TNS2: variants seen among roughly 807,000 people sequenced by gnomAD.
TNS2 encodes the protein tensin-2.
TNS2 carries 77 observed loss-of-function variants against 155.7 expected under a neutral mutation model. The observed-to-expected ratio is 0.49, with a 90% CI of 0.41 to 0.60. The LOEUF is 0.60. Ranked by LOEUF, TNS2 falls within the 20% of genes least tolerant of loss-of-function variation. The probability of loss-of-function intolerance (pLI) is 0.00; values close to 1 mark genes in which losing one functional copy is unlikely to be tolerated. For missense variants in TNS2, 1,703 were observed against 1,868.8 expected, an observed-to-expected ratio of 0.91 and a Z score of 1.64; for synonymous variants, 726 against 763.9, an observed-to-expected ratio of 0.95 and a Z score of 0.82.
chr12:53,057,741 C>A (rs750191075), intron 12 of TNS2, 32 bp from the exon 13 acceptor site: 5 of 1,613,974 alleles, frequency 3.1e-6, no homozygotes, highest in Admixed American at 3.3e-5. Flanking sequence ...CCACTCAGCA[C>A]CCCTCCTGTG....
chr12:53,063,364 C>T lies in TNS2; in HGVS notation c.4008C>T (p.Arg1336=). ...TDNQRKLFFR[R]HYPVNSITFS... is the part of the protein sequence containing the mutation. ...CTCCTTGCAGGCTCTTCTTTCGCCG[C>T]CATTATCCAGTGAACAGCATCACCT... Residue 1336 remains arginine (R), a synonymous_variant, in exon 27 of 29, where the codon CGC becomes CGT. Coordinates refer to ENST00000314250, the MANE Select transcript of TNS2 (RefSeq NM_170754.4). This position sits in a 1 kb window ranked among gnomAD's most constrained non-coding sequence, Gnocchi z 5.6. 6.2e-7 allele frequency: 1 copy of T among 1,614,070 alleles called. No homozygotes were observed. Among genetic ancestry groups the T allele is most frequent in the Non-Finnish European group, 8.5e-7 (1 of 1,179,982 alleles).
rs557568511 is a variant in TNS2, at chr12:53,064,222, C to A, written c.*340C>A. The A allele has an allele frequency of 7.1e-4, 196 of 275,956 alleles. No individual in the cohort carries two copies. Among genetic ancestry groups the A allele is most frequent in the African/African-American group, 3.9e-3 (180 of 46,046 alleles). The allele number at this position is 275,956 out of a possible 1,614,324, so 17.1% of individuals were successfully genotyped here. A position where few individuals can be genotyped will look rare whatever the true frequency, so the allele number is the denominator to read the frequency against. ...GGGGATCAGCCCCTGCCAGTTCCAC[C>A]CAGCTGCAGGTGCCAGCACGGCAGG... is the stretch of plus-strand genomic sequence containing the variant. On this transcript the variant is annotated 3_prime_UTR_variant, in exon 29 of 29. Coordinates refer to ENST00000314250, the MANE Select transcript of TNS2 (RefSeq NM_170754.4).
intron 22 of TNS2, 69 bp from the exon 23 acceptor site, chr12:53,062,084 G>T: frequency 6.2e-7 from 1 of 1,611,554 alleles, no homozygotes; most frequent in South Asian, 1.1e-5. Flanking sequence ...GCTCGGGAAA[G>T]AATCCCATTA....
chr12:53,049,329 G>A (rs1943840192), upstream of TNS2: 2 of 1,185,722 alleles, frequency 1.7e-6, no homozygotes, highest in African/African-American at 1.5e-5. Context: ...GCTGGAAAGA[G>A]GGCTAGGGAT....
At position 53,054,278 on chromosome 12, in the gene TNS2, G is replaced by A. The variant is rs761516825; in HGVS notation, c.359G>A (p.Ser120Asn). 1 of 1,612,998 alleles carries A rather than the reference G, an allele frequency of 6.2e-7. No individual in the cohort carries two copies. The highest frequency in any genetic ancestry group is 1.3e-5 in the African/African-American group (1 of 74,910). ...KQRSTLPRSF[S>N]LDPLMERRWD... Reference sequence around the variant, plus strand: ...AGGCTCCTCCTCCCCAGGAGCTTCAGCCTGGACCCGCTCATGGAGCGGCGC... The same window carrying A: ...AGGCTCCTCCTCCCCAGGAGCTTCAACCTGGACCCGCTCATGGAGCGGCGC... Residue 120 changes from serine (S) to asparagine (N), a missense_variant, in exon 7 of 29, where the codon AGC (serine) becomes AAC (asparagine). Coordinates refer to ENST00000314250, the MANE Select transcript of TNS2 (RefSeq NM_170754.4).
upstream of TNS2, chr12:53,049,953 T>A (rs921397282): frequency 6.3e-6 from 7 of 1,102,918 alleles, no homozygotes; most frequent in African/African-American, 4.8e-5. Flanking sequence ...GGGAATCTGA[T>A]CTCCTGGCCT....
chr12:53,057,972 G>C, intron 13 of TNS2, 55 bp from the exon 14 acceptor site: 1 of 1,610,382 alleles, frequency 6.2e-7, no homozygotes. Flanking sequence ...CTGCATAGCT[G>C]CCTCTGCACG....
At position 53,060,799 on chromosome 12, in the gene TNS2, G is replaced by T. The variant is rs1199739622; in HGVS notation, c.2893G>T (p.Gly965Trp). ...GKAPELPSGSGPEPLAPSPVS... is the reference protein window; with the variant it reads ...GKAPELPSGSWPEPLAPSPVS... ...GGCCCCTGAGCTGCCGTCGGGAAGT[G>T]GGCCTGAGCCTCTGGCCCCTAGCCC... Residue 965 changes from glycine to tryptophan, a missense_variant, in exon 20 of 29, where the codon GGG (glycine) becomes TGG (tryptophan). Transcript: ENST00000314250. This position sits in a 1 kb window ranked among gnomAD's most constrained non-coding sequence, Gnocchi z 6.1. 1 of 1,612,016 alleles carries T rather than the reference G, an allele frequency of 6.2e-7. No homozygotes were observed. Among genetic ancestry groups the T allele is most frequent in the African/African-American group, 1.3e-5 (1 of 75,006 alleles).
intron 7 of TNS2, 101 bp from the exon 8 acceptor site, chr12:53,055,085 G>T (rs922108133): frequency 2.2e-6 from 3 of 1,391,450 alleles, no homozygotes; most frequent in Non-Finnish European, 1.0e-6. Context: ...CGACCGGCCT[G>T]CACCTTATTT....
Position 53,062,196 on chromosome 12 carries a change from T to A in TNS2, c.3618T>A (p.Thr1206=). The A allele has an allele frequency of 1.2e-6, 2 of 1,614,090 alleles. No individual in the cohort carries two copies. Among genetic ancestry groups the A allele is most frequent in the Non-Finnish European group, 1.7e-6 (2 of 1,180,002 alleles). ...TGGTCCGCCATTTCCTCATCGAGAC[T>A]GGGCCCAAAGGGGTGAAGATCAAGG... is the stretch of plus-strand genomic sequence containing the variant. ...EQLVRHFLIE[T]GPKGVKIKGC... is the part of the protein sequence containing the mutation. Residue 1206 remains threonine, a synonymous_variant, in exon 23 of 29, where the codon ACT becomes ACA. Coordinates refer to ENST00000314250, the MANE Select transcript of TNS2 (RefSeq NM_170754.4).
rs148388943 is a variant in TNS2, at chr12:53,061,771, C to G, written c.3449-44C>G. The G allele has an allele frequency of 3.7e-3, 5,941 of 1,586,640 alleles. 18 individuals carry two copies. Among genetic ancestry groups the G allele is most frequent in the Middle Eastern group, 9.3e-3 (55 of 5,904 alleles). On this transcript the variant is annotated intron_variant, in intron 21 of 28. Coordinates refer to ENST00000314250, the MANE Select transcript of TNS2 (RefSeq NM_170754.4). ...GGGCTGCATGGGGCTCAGTCCACCC[C>G]TGTGAAAACTCCTCCCCACTGCCCG...
chr12:53,048,769 C>T (rs1449991683), upstream of TNS2, among the ~76,000 whole-genome samples: 4 of 152,198 alleles, frequency 2.6e-5, no homozygotes, highest in South Asian at 4.1e-4. Flanking sequence ...CTCAAGTGGG[C>T]ACCCACAGCA....
At chr12:53,054,191 C>T in intron 6 of TNS2, 79 bp from the exon 7 acceptor site, 1 of 1,599,106 alleles carries the variant, frequency 6.3e-7, no homozygotes, top group Non-Finnish European at 8.5e-7. Context: ...ACCTGCTGCC[C>T]AACAGACAGC....
At chr12:53,054,473 TGA>T in intron 7 of TNS2, 32 bp downstream of exon 7, 1 of 1,567,194 alleles carries the variant, frequency 6.4e-7, no homozygotes, top group Non-Finnish European at 8.6e-7. Context: ...AGTCCGCCAA[TGA>T]GAGGGATGTA....
Position 53,057,584 on chromosome 12 carries a change from G to C in TNS2, c.863G>C (p.Ser288Thr). 6.2e-7 allele frequency: 1 copy of C among 1,612,788 alleles called. No individual in the cohort carries two copies. The highest frequency in any genetic ancestry group is 1.1e-5 in the South Asian group (1 of 90,944). ...PSQRRYISYF[S>T]GLLSGSIRMN... ...TCCACCAGATATATCAGCTACTTCAGTGGGCTGCTATCTGGCTCCATCAGA... is the reference window on the plus strand; with the variant it reads ...TCCACCAGATATATCAGCTACTTCACTGGGCTGCTATCTGGCTCCATCAGA... The change falls in exon 12 of 29, where the codon AGT (serine) becomes ACT (threonine). Residue 288 changes from serine to threonine, a missense_variant. By Grantham distance (58) the Ser-to-Thr change is moderately conservative. Coordinates refer to ENST00000314250, the MANE Select transcript of TNS2 (RefSeq NM_170754.4).
Position 53,063,056 on chromosome 12 carries a change from A to G in TNS2, c.3824-33A>G, listed in dbSNP as rs936767515. On this transcript the variant is annotated intron_variant, in intron 25 of 28. Coordinates refer to ENST00000314250, the MANE Select transcript of TNS2 (RefSeq NM_170754.4). The surrounding 1 kb of genome is among the most constrained non-coding windows in gnomAD (Gnocchi z 5.6). ...TGGTGGGGGTGGCTAGGGGATGGGC[A>G]CTCCCTCCCTGACCCACTCCCTGCC... The G allele has an allele frequency of 6.6e-7, 1 of 1,506,364 alleles. No homozygotes were observed. The allele number at this position is 1,506,364 out of a possible 1,614,324, so 93.3% of individuals were successfully genotyped here. A position where few individuals can be genotyped will look rare whatever the true frequency, so the allele number is the denominator to read the frequency against.
Position 53,052,500 on chromosome 12 carries a change from T to TC in TNS2, c.222+9dup. ...AGAAAATGTGAAGCAAAGGTGGGTA[T>TC]CTGATTCTACCTGATAGGGGGAGAG... On this transcript the variant is annotated intron_variant, in intron 3 of 28. Transcript: ENST00000314250. The TC allele has an allele frequency of 1.2e-6, 2 of 1,613,910 alleles. No individual in the cohort carries two copies. Among genetic ancestry groups the TC allele is most frequent in the Non-Finnish European group, 1.7e-6 (2 of 1,179,880 alleles).
chr12:53,063,652 T>C lies in TNS2; in HGVS notation c.4091+60T>C. On this transcript the variant is annotated intron_variant, in intron 28 of 28. Coordinates refer to ENST00000314250, the MANE Select transcript of TNS2 (RefSeq NM_170754.4). This position sits in a 1 kb window ranked among gnomAD's most constrained non-coding sequence, Gnocchi z 5.6. Reference sequence around the variant, plus strand: ...AAGGGACCAGGGCGCTGCTGTCCTCTCAATGCTGGCATTTGATTTGTCTCA... The same window carrying C: ...AAGGGACCAGGGCGCTGCTGTCCTCCCAATGCTGGCATTTGATTTGTCTCA... 1.9e-6 allele frequency: 3 copies of C among 1,614,164 alleles called. No individual in the cohort carries two copies. The highest frequency in any genetic ancestry group is 2.5e-6 in the Non-Finnish European group (3 of 1,180,008).
In TNS2 at chr12:53,063,238, C is replaced by A; in HGVS notation, c.3973C>A (p.Leu1325Met). ...HFKVSAQGITLTDNQRKLFFR... is the reference protein window; with the variant it reads ...HFKVSAQGITMTDNQRKLFFR... ...CAAGGTGTCAGCCCAGGGCATTACACTGACGGACAACCAAAGGAAGTATGT... is the reference window on the plus strand; with the variant it reads ...CAAGGTGTCAGCCCAGGGCATTACAATGACGGACAACCAAAGGAAGTATGT... The change falls in exon 26 of 29, where the codon CTG (leucine) becomes ATG (methionine). Residue 1325 changes from leucine (L) to methionine (M), a missense_variant. By Grantham distance (15) the Leu-to-Met change is conservative. Coordinates refer to ENST00000314250, the MANE Select transcript of TNS2 (RefSeq NM_170754.4). The surrounding 1 kb of genome is among the most constrained non-coding windows in gnomAD (Gnocchi z 5.6). The A allele has an allele frequency of 8.7e-6, 14 of 1,612,824 alleles. No homozygotes were observed. Among genetic ancestry groups the A allele is most frequent in the Non-Finnish European group, 1.2e-5 (14 of 1,179,442 alleles).
Sources: allele counts gnomAD v4.1 joint callset (sites outside exome capture counted in the v4.1 genomes callset), GRCh38; gene constraint gnomAD v4.1.1; non-coding constraint Gnocchi (gnomAD v3.1); transcripts MANE v1.5; gene names NCBI Gene and HGNC (gene_info 2026-07-23, HGNC 2026-07-21).